Variants in MYO9A observed in about 807,000 individuals in gnomAD.
The protein encoded by MYO9A is myosin IXA.
Under a neutral mutation model 293.3 loss-of-function variants are expected in MYO9A, and 103 were observed. The ratio of observed to expected loss-of-function variants is 0.35; its 90% CI spans 0.30 to 0.41. The LOEUF (loss-of-function observed/expected upper bound fraction) is 0.41, where lower values mean the gene tolerates loss of function less well. Ranked by LOEUF, MYO9A falls within the 10% of genes least tolerant of loss-of-function variation. MYO9A has a pLI of 1.00. For missense variants in MYO9A, 2,685 were observed against 3,033.0 expected (o/e 0.89, Z 2.69); for synonymous variants, 1,001 against 1,035.7 (o/e 0.97, Z 0.64).
At chr15:72,065,409 G>T (rs1333963465) in intron 1 of MYO9A, among the ~76,000 whole-genome samples, 9 of 151,686 alleles carry the variant, frequency 5.9e-5, no homozygotes, top group African/African-American at 2.2e-4. Context: ...CAGCTACTTG[G>T]GAGGCTGAGG....
intron 8 of MYO9A, among the ~76,000 whole-genome samples, chr15:72,006,575 C>T (rs1304501929): frequency 3.3e-5 from 5 of 152,052 alleles, no homozygotes; most frequent in African/African-American, 7.2e-5. Context: ...GGGATTTTTA[C>T]GGCAGTGAAA....
At chr15:71,893,961 G>C (rs903559756) in intron 25 of MYO9A, among the ~76,000 whole-genome samples, 183 bp from the exon 26 acceptor site, 1 of 152,106 alleles carries the variant, frequency 6.6e-6, no homozygotes, top group Non-Finnish European at 1.5e-5. Context: ...GCATAAGACT[G>C]AATTACTAAA....
intron 39 of MYO9A, among the ~76,000 whole-genome samples, chr15:71,843,435 A>ATAAAG (rs1267449263): frequency 2.0e-5 from 3 of 152,200 alleles, no homozygotes; most frequent in Non-Finnish European, 4.4e-5. Context: ...TGTCTCAAAA[A>ATAAAG]TAAAGTAAAT....
intron 1 of MYO9A, among the ~76,000 whole-genome samples, chr15:72,055,717 A>ATTTCCC (rs1253845370): frequency 1.2e-4 from 19 of 152,212 alleles, no homozygotes; most frequent in Non-Finnish European, 2.5e-4. Context: ...AAAAATGCTC[A>ATTTCCC]ACAGCATTAA....
intron 11 of MYO9A, among the ~76,000 whole-genome samples, chr15:71,983,675 G>C (rs1276136071): frequency 1.3e-5 from 2 of 151,206 alleles, no homozygotes; most frequent in African/African-American, 4.9e-5. Context: ...TAGAGTCGGG[G>C]TTTCACCATG....
At chr15:71,924,943 G>GA (rs1014231627) in intron 18 of MYO9A, among the ~76,000 whole-genome samples, 10 of 151,628 alleles carry the variant, frequency 6.6e-5, no homozygotes, top group South Asian at 2.1e-4. Context: ...AAAAGAAAAA[G>GA]AAAAAAATGT....
rs2054529554 is a variant in MYO9A, at chr15:71,826,952, A to G, written c.7275T>C (p.Ser2425=). ...AGACCGAAGAGTCCACGACATCTAA[A>G]GAGTCTTGCTGCTTTTTAAGTTGCT... The part of the protein sequence containing the change: ...LRKQLKKQQD[S]LDVVDSSVSS... The change falls in exon 42 of 42, where the codon TCT becomes TCC. Residue 2425 remains serine (S), a synonymous_variant. Transcript: ENST00000356056. The G allele has an allele frequency of 1.9e-6, 3 of 1,614,086 alleles. No homozygotes were observed. Among genetic ancestry groups the G allele is most frequent in the Non-Finnish European group, 2.5e-6 (3 of 1,179,962 alleles).
At chr15:72,023,260 G>T (rs1359959790) in intron 4 of MYO9A, among the ~76,000 whole-genome samples, 1 of 152,134 alleles carries the variant, frequency 6.6e-6, no homozygotes, top group Non-Finnish European at 1.5e-5. Context: ...ATTGACTCTC[G>T]TCTAAGGAAC....
At chr15:72,087,532 C>A (rs998121379) in intron 1 of MYO9A, among the ~76,000 whole-genome samples, 1 of 152,194 alleles carries the variant, frequency 6.6e-6, no homozygotes, top group Non-Finnish European at 1.5e-5. Context: ...GTTCAACTCA[C>A]CCGTTTCCCT....
intron 39 of MYO9A, among the ~76,000 whole-genome samples, chr15:71,835,929 A>G (rs2054922359): frequency 6.6e-6 from 1 of 152,134 alleles, no homozygotes; most frequent in South Asian, 2.1e-4. Flanking sequence ...AGACCCACAC[A>G]TAAGAAGGCT....
chr15:71,987,215 C>T (rs546676430), intron 11 of MYO9A, among the ~76,000 whole-genome samples: 4 of 152,136 alleles, frequency 2.6e-5, no homozygotes, highest in African/African-American at 4.8e-5. Flanking sequence ...GATGTTCATA[C>T]AACAGCAAAA....
rs1366934651 is a variant in MYO9A at position 72,019,104 on chromosome 15, A to T, written c.1099-9T>A. ...AGGGGTTTCTTTGTTATCTGAAAGTAAGGCAGATTAGTTAGGTAGAAGTAA... is the reference window on the plus strand; with the variant it reads ...AGGGGTTTCTTTGTTATCTGAAAGTTAGGCAGATTAGTTAGGTAGAAGTAA... On this transcript the variant is annotated splice_polypyrimidine_tract_variant and intron_variant, in intron 5 of 41. Coordinates refer to ENST00000356056, the MANE Select transcript of MYO9A (RefSeq NM_006901.4). The T allele has an allele frequency of 3.1e-6, 5 of 1,611,320 alleles. No individual in the cohort carries two copies. In the African/African-American group the frequency reaches 6.7e-5, roughly 22 times the overall value.
chr15:71,945,803 T>C (rs28640231), intron 15 of MYO9A, among the ~76,000 whole-genome samples: 3,883 of 152,284 alleles, frequency 0.025, 157 homozygotes, highest in African/African-American at 0.088. Context: ...CTTTGCCTTG[T>C]TCTTAATGTT....
At chr15:71,856,274 G>A (rs1352044163) in intron 34 of MYO9A, among the ~76,000 whole-genome samples, 2 of 151,972 alleles carry the variant, frequency 1.3e-5, no homozygotes, top group African/African-American at 2.4e-5. Flanking sequence ...TCACGCCACT[G>A]TACTCCAGCT....
chr15:71,952,520 G>T (rs1298284564), intron 14 of MYO9A, among the ~76,000 whole-genome samples: 5 of 152,124 alleles, frequency 3.3e-5, no homozygotes, highest in Non-Finnish European at 5.9e-5. Flanking sequence ...GTGAAAAATA[G>T]AAGAGAGCAC....
chr15:72,012,068 C>G (rs902101864), intron 6 of MYO9A, among the ~76,000 whole-genome samples: 2 of 152,102 alleles, frequency 1.3e-5, no homozygotes, highest in African/African-American at 4.8e-5. Flanking sequence ...GTTTTAGGCA[C>G]TGTAAGCATT....
At chr15:72,045,638 G>T in intron 2 of MYO9A, 86 bp downstream of exon 2, 1 of 1,381,058 alleles carries the variant, frequency 7.2e-7, no homozygotes, top group Non-Finnish European at 9.6e-7. Flanking sequence ...ACCTGGTATT[G>T]CAGTACCTCC....
intron 11 of MYO9A, among the ~76,000 whole-genome samples, chr15:71,987,979 A>G (rs1055500455): frequency 6.6e-6 from 1 of 152,188 alleles, no homozygotes; most frequent in African/African-American, 2.4e-5. Context: ...CATTTTCCAT[A>G]AACTCTAAGG....
intron 18 of MYO9A, among the ~76,000 whole-genome samples, chr15:71,919,233 G>C (rs1214970640): frequency 6.6e-6 from 1 of 152,128 alleles, no homozygotes; most frequent in Non-Finnish European, 1.5e-5. Flanking sequence ...CTGAGCTCAG[G>C]AGTTGGAGAC....
Sources: gnomAD v4.1 joint callset for allele counts (sites outside exome capture counted in the v4.1 genomes callset) on GRCh38, gnomAD v4.1.1 for gene constraint, MANE v1.5 for transcripts, NCBI Gene and HGNC (gene_info 2026-07-23, HGNC 2026-07-21) for gene names.